CLEC4M: variants seen among roughly 807,000 people sequenced by gnomAD.
CLEC4M encodes CD209 antigen-like protein 1.
Under a neutral mutation model 39.1 loss-of-function variants are expected in CLEC4M, and 25 were observed. The ratio of observed to expected loss-of-function variants is 0.64; its 90% CI spans 0.47 to 0.89. The LOEUF (loss-of-function observed/expected upper bound fraction) is 0.89. Among genes scored for constraint, CLEC4M ranks in the 40% least tolerant of loss-of-function variants. The probability of loss-of-function intolerance (pLI) is 0.00; values close to 1 mark genes in which losing one functional copy is unlikely to be tolerated. For synonymous variants in CLEC4M, 155 were observed against 177.4 expected (o/e 0.87, Z 1.00); for missense variants, 353 against 431.4 (o/e 0.82, Z 1.61).
rs780100097 is a variant in CLEC4M at position 7,768,852 on chromosome 19, G to A, written c.1064G>A (p.Trp355Ter). 1.9e-6 allele frequency: 3 copies of A among 1,614,096 alleles called. No homozygotes were observed. The South Asian group carries it at 3.3e-5, about 18-fold the overall frequency. Reference sequence around the variant, plus strand: ...GGGCTTTGCAGCTTCCAGCGGTACTGGAACAGTGGAGAACCCAACAATAGC... The same window carrying A: ...GGGCTTTGCAGCTTCCAGCGGTACTAGAACAGTGGAGAACCCAACAATAGC... ...SPLSPSFQRY[W>*]NSGEPNNSGN... The change falls in exon 7 of 7, where the codon TGG becomes TAG. Residue 355 changes from tryptophan (W) to a stop codon, truncating the protein, a stop_gained. Transcript: ENST00000327325. LOFTEE classifies it low-confidence loss of function (END_TRUNC).
chr19:7,764,328 A>G (rs1029866799), intron 2 of CLEC4M, among the ~76,000 whole-genome samples: 3 of 152,166 alleles, frequency 2.0e-5, no homozygotes, highest in Non-Finnish European at 4.4e-5. Flanking sequence ...AACATGTTTT[A>G]CAACTTGAGT....
At chr19:7,767,106 C>T in intron 5 of CLEC4M, 1 of 485,408 alleles carries the variant, frequency 2.1e-6, no homozygotes, top group Non-Finnish European at 3.7e-6. Context: ...GCCAATTTCC[C>T]CAGTGTAAAT....
At chr19:7,764,501 T>TA (rs1190077556) in intron 2 of CLEC4M, among the ~76,000 whole-genome samples, 132 of 151,976 alleles carry the variant, frequency 8.7e-4, no homozygotes, top group African/African-American at 2.9e-3. Flanking sequence ...TTTATTTATT[T>TA]TTTTTGAGAC....
intron 3 of CLEC4M, 38 bp from the exon 4 acceptor site, chr19:7,765,600 G>A (rs766312087): frequency 2.5e-6 from 4 of 1,613,028 alleles, no homozygotes; most frequent in Non-Finnish European, 3.4e-6. Context: ...CACACAGTAG[G>A]TGTTTAATAA....
At chr19:7,764,005 G>T (rs1448013648) in intron 2 of CLEC4M, among the ~76,000 whole-genome samples, 2 of 151,886 alleles carry the variant, frequency 1.3e-5, no homozygotes, top group East Asian at 3.9e-4. Context: ...TTGGGCCTGG[G>T]TTCCTCCTGG....
intron 6 of CLEC4M, 27 bp from the exon 7 acceptor site, chr19:7,768,811 G>T (rs1182750735): frequency 6.2e-7 from 1 of 1,610,768 alleles, no homozygotes; most frequent in Non-Finnish European, 8.5e-7. Flanking sequence ...GCAGGGCAGA[G>T]GCTCACATTC....
At position 7,766,693 on chromosome 19, in the gene CLEC4M, C is replaced by T. The variant is rs200725157; in HGVS notation, c.822C>T (p.Phe274=). ...GCCACTGTCCCAAGGACTGGACATTCTTCCAAGGAAACTGTTACTTCATGT... is the reference window on the plus strand; with the variant it reads ...GCCACTGTCCCAAGGACTGGACATTTTTCCAAGGAAACTGTTACTTCATGT... ...LCRHCPKDWT[F]FQGNCYFMSN... Residue 274 remains phenylalanine, a synonymous_variant, in exon 5 of 7, where the codon TTC becomes TTT. Transcript: ENST00000327325. 6.2e-7 allele frequency: 1 copy of T among 1,614,240 alleles called. No individual in the cohort carries two copies. Among genetic ancestry groups the T allele is most frequent in the East Asian group, 2.2e-5 (1 of 44,892 alleles).
intron 6 of CLEC4M, chr19:7,768,277 T>C (rs977347749): frequency 1.3e-5 from 2 of 155,438 alleles, no homozygotes; most frequent in Non-Finnish European, 2.9e-5. Flanking sequence ...TGGTTTGTAT[T>C]TTAAAATCAC....
rs765702500 is a variant in CLEC4M, at chr19:7,763,471, C to G, written c.125C>G (p.Ser42Cys). 1 of 1,613,792 alleles carries G rather than the reference C, an allele frequency of 6.2e-7. No individual in the cohort carries two copies. The highest frequency in any genetic ancestry group is 1.1e-5 in the South Asian group (1 of 91,052). Residue 42 changes from serine (S) to cysteine (C), a missense_variant, in exon 2 of 7, where the codon TCT (serine) becomes TGT (cysteine). Around this residue, in one of 4 missense-constraint regions of CLEC4M, gnomAD observed 91 missense variants for 77.8 expected, o/e 1.17. Coordinates refer to ENST00000327325, the MANE Select transcript of CLEC4M (RefSeq NM_014257.5). ...CAGCAGATACATGGCCACAAGAGCT[C>G]TACAGGTAGGCAAGAGTTAGGGAGC... ...QFQQIHGHKS[S>C]TGCLGHGALV...
At chr19:7,765,531 T>C (rs1030797003) in intron 3 of CLEC4M, 107 bp from the exon 4 acceptor site, 11 of 1,526,426 alleles carry the variant, frequency 7.2e-6, no homozygotes, top group Admixed American at 2.1e-5. Context: ...TCAAAGGGGA[T>C]TAACTGAGAC....
chr19:7,765,303 G>A (rs117140487), intron 3 of CLEC4M, 35 bp downstream of exon 3: 2 of 1,610,392 alleles, frequency 1.2e-6, no homozygotes, highest in African/African-American at 2.7e-5. Context: ...GGGGTCCCCA[G>A]GCCTGGCCTT....
Position 7,769,063 on chromosome 19 carries a change from C to G in CLEC4M, c.*75C>G. ...CCACTTGTAAGCCAGCGCTTCTTCT[C>G]TCCATCCTTGGACCTTCACAAATGC... On this transcript the variant is annotated 3_prime_UTR_variant, in exon 7 of 7. Coordinates refer to ENST00000327325, the MANE Select transcript of CLEC4M (RefSeq NM_014257.5). 1 of 1,484,384 alleles carries G rather than the reference C, an allele frequency of 6.7e-7. No homozygotes were observed. The highest frequency in any genetic ancestry group is 1.2e-5 in the South Asian group (1 of 81,630). The allele number at this position is 1,484,384 out of a possible 1,614,324, so 92.0% of individuals were successfully genotyped here. A position where few individuals can be genotyped will look rare whatever the true frequency, so the allele number is the denominator to read the frequency against.
intron 2 of CLEC4M, among the ~76,000 whole-genome samples, chr19:7,764,344 T>C (rs2034150746): frequency 6.6e-6 from 1 of 152,180 alleles, no homozygotes; most frequent in Non-Finnish European, 1.5e-5. Flanking sequence ...TGAGTTTATC[T>C]GCCTAGTGAC....
chr19:7,766,241 G>A, intron 4 of CLEC4M, 34 bp downstream of exon 4: 1 of 1,612,112 alleles, frequency 6.2e-7, no homozygotes, highest in Non-Finnish European at 8.5e-7. Flanking sequence ...CCTTGGGCCT[G>A]AGATGGTCTC....
intron 3 of CLEC4M, 53 bp from the exon 4 acceptor site, chr19:7,765,585 C>T (rs372985078): frequency 2.5e-6 from 4 of 1,609,972 alleles, no homozygotes; most frequent in African/African-American, 2.7e-5. Context: ...CAGTTCAGGG[C>T]TTGGCACACA....
At position 7,766,231 on chromosome 19, in the gene CLEC4M, C is replaced by T. The variant is rs557085340; in HGVS notation, c.784+24C>T. On this transcript the variant is annotated intron_variant, in intron 4 of 6. Coordinates refer to ENST00000327325, the MANE Select transcript of CLEC4M (RefSeq NM_014257.5). ...TGGTGAGTTCCTGCACATCAAGGGT[C>T]CTTGGGCCTGAGATGGTCTCTGTGT... 67 of 1,613,050 alleles carry T rather than the reference C, an allele frequency of 4.2e-5. No homozygotes were observed. In the East Asian group the frequency reaches 1.4e-3, roughly 34 times the overall value.
At chr19:7,767,659 C>T (rs774165490) in intron 6 of CLEC4M, 31 bp downstream of exon 6, 22 of 1,591,948 alleles carry the variant, frequency 1.4e-5, no homozygotes, top group Non-Finnish European at 1.9e-5. Context: ...ACACTGTATC[C>T]AGTCGGGCTG....
chr19:7,766,989 CAT>C (rs1001755787), intron 5 of CLEC4M, 182 bp downstream of exon 5: 24 of 1,063,142 alleles, frequency 2.3e-5, no homozygotes, highest in Admixed American at 1.2e-4. Context: ...GATCTGAACA[CAT>C]GTGAATATTT....
chr19:7,767,626 C>G lies in CLEC4M; in HGVS notation c.1047C>G (p.Pro349=), dbSNP rs2034337440. 1.2e-6 allele frequency: 2 copies of G among 1,613,044 alleles called. No homozygotes were observed. Among genetic ancestry groups the G allele is most frequent in the African/African-American group, 1.3e-5 (1 of 74,888 alleles). Reference sequence around the variant, plus strand: ...GGGTGGACGGCTCACCTCTGTCACCCAGGTAGATTCTGGGAGAAAGGGACA... The same window carrying G: ...GGGTGGACGGCTCACCTCTGTCACCGAGGTAGATTCTGGGAGAAAGGGACA... ...WQWVDGSPLS[P]SFQRYWNSGE... is the part of the protein sequence containing the mutation. Residue 349 remains proline, a splice_region_variant and synonymous_variant, in exon 6 of 7, where the codon CCC becomes CCG. Coordinates refer to ENST00000327325, the MANE Select transcript of CLEC4M (RefSeq NM_014257.5).
Sources: allele counts gnomAD v4.1 joint callset (sites outside exome capture counted in the v4.1 genomes callset), GRCh38; gene constraint gnomAD v4.1.1; regional missense constraint gnomAD v4.1.1; transcripts MANE v1.5; gene names NCBI Gene and HGNC (gene_info 2026-07-23, HGNC 2026-07-21).